The following ADD1 variants were observed in gnomAD, a reference collection of about 807,000 sequenced individuals.
ADD1 encodes the protein alpha-adducin.
Under a neutral mutation model 80.5 loss-of-function variants are expected in ADD1, and 24 were observed. That is an observed-to-expected ratio of 0.30 (90% CI 0.22 to 0.42). The LOEUF is 0.42. ADD1 is among the 10% of genes least tolerant of loss of function. The pLI, the probability that ADD1 is intolerant of heterozygous loss-of-function variation, is 1.00. For synonymous variants in ADD1, 373 were observed against 393.8 expected (o/e 0.95, Z 0.63); for missense variants, 948 against 1,019.0 (o/e 0.93, Z 0.95).
intron 1 of ADD1, among the ~76,000 whole-genome samples, chr4:2,863,177 C>T (rs1330355269): frequency 6.6e-6 from 1 of 151,420 alleles, no homozygotes; most frequent in East Asian, 1.9e-4. Flanking sequence ...TCCTAAGTAG[C>T]TGGGACTACA....
chr4:2,882,772 T>C (rs544837245), intron 3 of ADD1, among the ~76,000 whole-genome samples: 1 of 152,330 alleles, frequency 6.6e-6, no homozygotes, highest in South Asian at 2.1e-4. Flanking sequence ...TACAGAATAT[T>C]AAGAGTCACA....
chr4:2,904,517 A>T (rs572253145), intron 9 of ADD1: 2 of 559,406 alleles, frequency 3.6e-6, no homozygotes, highest in African/African-American at 3.8e-5. Context: ...TCCATCTCCT[A>T]TATGGATGGA....
At chr4:2,912,840 T>G (rs751527406) in intron 13 of ADD1, among the ~76,000 whole-genome samples, 3 of 151,984 alleles carry the variant, frequency 2.0e-5, no homozygotes, top group Non-Finnish European at 2.9e-5. Flanking sequence ...AGTTTATTCT[T>G]TGTTTGTTTG....
At chr4:2,872,007 T>G (rs538748808) in intron 1 of ADD1, among the ~76,000 whole-genome samples, 1 of 152,272 alleles carries the variant, frequency 6.6e-6, no homozygotes, top group Admixed American at 6.5e-5. Context: ...AAACTCTCTA[T>G]GGCCAAGTTT....
chr4:2,923,906 T>G (rs188885401), intron 14 of ADD1, among the ~76,000 whole-genome samples: 25 of 152,362 alleles, frequency 1.6e-4, no homozygotes, highest in African/African-American at 5.5e-4. Flanking sequence ...TCACTGAGTC[T>G]TTGGTCACAG....
At chr4:2,862,445 C>G (rs575560409) in intron 1 of ADD1, among the ~76,000 whole-genome samples, 1 of 152,348 alleles carries the variant, frequency 6.6e-6, no homozygotes, top group Admixed American at 6.5e-5. Flanking sequence ...TGAACTGTCT[C>G]AATGCTTAAA....
chr4:2,919,801 T>C (rs777511750), intron 14 of ADD1, among the ~76,000 whole-genome samples: 4 of 151,936 alleles, frequency 2.6e-5, no homozygotes, highest in Non-Finnish European at 4.4e-5. Flanking sequence ...CCTGGATTCA[T>C]TGATTTTTTT....
chr4:2,896,568 T>A (rs1345499347), intron 6 of ADD1, among the ~76,000 whole-genome samples: 1 of 152,188 alleles, frequency 6.6e-6, no homozygotes, highest in Non-Finnish European at 1.5e-5. Flanking sequence ...TACCTCTGGT[T>A]TGTTTCACTC....
rs1265205901 is a variant in ADD1 at position 2,929,795 on chromosome 4, G to A, written c.*1272G>A. Reference sequence around the variant, plus strand: ...CTTCCAGCTTCCTCTGAGCCGCAGGGCCTGCTACGCGGGCAAGCGTGCTGC... The same window carrying A: ...CTTCCAGCTTCCTCTGAGCCGCAGGACCTGCTACGCGGGCAAGCGTGCTGC... On this transcript the variant is annotated 3_prime_UTR_variant, in exon 16 of 16. Coordinates refer to ENST00000683351, the MANE Select transcript of ADD1 (RefSeq NM_001354761.2). 1.3e-5 allele frequency: 2 copies of A among 152,536 alleles called. No homozygotes were observed. Among genetic ancestry groups the A allele is most frequent in the African/African-American group, 4.8e-5 (2 of 41,468 alleles). 9.4% of individuals were successfully genotyped at this position (152,536 alleles called of 1,614,324 possible).
chr4:2,911,300 C>T (rs1247781532), intron 13 of ADD1, among the ~76,000 whole-genome samples: 1 of 152,076 alleles, frequency 6.6e-6, no homozygotes, highest in Non-Finnish European at 1.5e-5. Context: ...CTGGTGATGG[C>T]CATTCCCACA....
Position 2,914,058 on chromosome 4 carries a change from C to CAA in ADD1, c.1792-812_1792-811dup, listed in dbSNP as rs775339952. 7.5e-5 allele frequency among the ~76,000 whole-genome samples: 9 copies of CAA among 120,560 alleles called. 1 individual carries two copies. Among genetic ancestry groups the CAA allele is most frequent in the South Asian group, 5.5e-4 (2 of 3,664 alleles). 79.1% of individuals were successfully genotyped at this position (120,560 alleles called of 152,430 possible). ...TGGGTGACAGTGCGAGACTCCGTCTCAAAAAAAAAAAAAAAGAAGTGAGCT... is the reference window on the plus strand; with the variant it reads ...TGGGTGACAGTGCGAGACTCCGTCTCAAAAAAAAAAAAAAAAAGAAGTGAGCT... On this transcript the variant is annotated intron_variant, in intron 13 of 15. Coordinates refer to ENST00000683351, the MANE Select transcript of ADD1 (RefSeq NM_001354761.2).
chr4:2,874,867 G>A (rs1190446392), intron 1 of ADD1, among the ~76,000 whole-genome samples: 4 of 152,058 alleles, frequency 2.6e-5, no homozygotes, highest in Non-Finnish European at 4.4e-5. Flanking sequence ...AGAATTTCAG[G>A]CCCCACTCCA....
intron 14 of ADD1, among the ~76,000 whole-genome samples, chr4:2,919,529 A>C (rs1281262963): frequency 2.0e-5 from 3 of 152,130 alleles, no homozygotes; most frequent in Non-Finnish European, 2.9e-5. Context: ...TTACTGGTCT[A>C]TTCAGGGGTT....
chr4:2,847,201 T>C (rs1726365325), intron 1 of ADD1, among the ~76,000 whole-genome samples: 1 of 151,860 alleles, frequency 6.6e-6, no homozygotes, highest in South Asian at 2.1e-4. Flanking sequence ...GGCAGGTGGA[T>C]CGCCTGAGGT....
At chr4:2,863,219 A>AT (rs34312305) in intron 1 of ADD1, among the ~76,000 whole-genome samples, 2,328 of 123,720 alleles carry the variant, frequency 0.019, 60 homozygotes, top group African/African-American at 0.05. Flanking sequence ...CTAATTTTTA[A>AT]TTTTTTTTTT....
rs753206622 is a variant in ADD1 at position 2,915,050 on chromosome 4, T to G, written c.1948+10T>G. On this transcript the variant is annotated intron_variant, in intron 14 of 15. Transcript: ENST00000683351. ...CAGAAGGGCTCTGAAGGTGAGTGCT[T>G]GTGGTCCTGGGCACGGCCACTCCAG... 6.2e-7 allele frequency: 1 copy of G among 1,605,920 alleles called. No individual in the cohort carries two copies. The highest frequency in any genetic ancestry group is 8.5e-7 in the Non-Finnish European group (1 of 1,175,216).
chr4:2,927,420 G>A (rs1348459192), intron 15 of ADD1, among the ~76,000 whole-genome samples: 3 of 152,250 alleles, frequency 2.0e-5, no homozygotes, highest in Admixed American at 1.3e-4. Flanking sequence ...GCCCTGATGT[G>A]TGGCTTGATT....
At chr4:2,903,234 C>T (rs1173994707) in intron 9 of ADD1, among the ~76,000 whole-genome samples, 1 of 152,068 alleles carries the variant, frequency 6.6e-6, no homozygotes, top group African/African-American at 2.4e-5. Flanking sequence ...TCCTGATTCT[C>T]TTGTGATGTA....
In ADD1 at chr4:2,909,345, C is replaced by G; in HGVS notation, c.1705C>G (p.Pro569Ala). ...ACTCAGTTTACTGTTTCAGGATGCA[C>G]CTCTCTCTGACTGTACGGAAACTAT... ...VMDRSLVQDA[P>A]LSDCTETIEG... is the part of the protein sequence containing the mutation. The change falls in exon 13 of 16, where the codon CCT (proline) becomes GCT (alanine). Residue 569 changes from proline to alanine, a missense_variant. Transcript: ENST00000683351. The G allele has an allele frequency of 6.5e-7, 1 of 1,550,126 alleles. No homozygotes were observed. Among genetic ancestry groups the G allele is most frequent in the Non-Finnish European group, 8.7e-7 (1 of 1,146,648 alleles).
Sources: gnomAD v4.1 joint callset for allele counts (sites outside exome capture counted in the v4.1 genomes callset) on GRCh38, gnomAD v4.1.1 for gene constraint, MANE v1.5 for transcripts, NCBI Gene and HGNC (gene_info 2026-07-23, HGNC 2026-07-21) for gene names.